The following RAB12 variants were observed in gnomAD, a reference collection of about 807,000 sequenced individuals.
RAB12 encodes the protein ras-related protein Rab-12.
Under a neutral mutation model 28.4 loss-of-function variants are expected in RAB12, and 11 were observed. The observed-to-expected ratio is 0.39, with a 90% confidence interval of 0.24 to 0.64. The LOEUF is 0.64. Among genes scored for constraint, RAB12 ranks in the 30% least tolerant of loss-of-function variants. The pLI is 0.50. For synonymous variants in RAB12, 138 were observed against 145.3 expected (o/e 0.95, Z 0.36); for missense variants, 276 against 351.1 (o/e 0.79, Z 1.71).
rs373829340 is a variant in RAB12 at position 8,616,379 on chromosome 18, TAAA to T, written c.514+6445_514+6447del. On this transcript the variant is annotated intron_variant, in intron 1 of 5. Coordinates refer to ENST00000649141, the MANE Select transcript of RAB12 (RefSeq NM_001025300.3). ...TGTGCCCTTAATTGAGTGTGATTGT[TAAA>T]AAAAAAAAAAAAAAAAAACTTGTGA... is the stretch of plus-strand genomic sequence containing the variant. 1.6e-4 allele frequency among the ~76,000 whole-genome samples: 19 copies of T among 121,442 alleles called. No homozygotes were observed. In the East Asian group the frequency reaches 2.1e-3, roughly 13 times the overall value. The allele number at this position is 121,442 out of a possible 152,430, so 79.7% of individuals were successfully genotyped here. A position where few individuals can be genotyped will look rare whatever the true frequency, so the allele number is the denominator to read the frequency against.
chr18:8,614,579 A>T (rs1211184408), intron 1 of RAB12, among the ~76,000 whole-genome samples: 2 of 151,010 alleles, frequency 1.3e-5, no homozygotes, highest in African/African-American at 4.9e-5. Context: ...AAAGTTTTTT[A>T]TTTTATTTTT....
chr18:8,626,899 A>G (rs1423778391), intron 2 of RAB12, among the ~76,000 whole-genome samples: 3 of 152,212 alleles, frequency 2.0e-5, no homozygotes, highest in Non-Finnish European at 4.4e-5. Context: ...GTTGATTGCA[A>G]GTTTTCTACA....
chr18:8,636,689 T>G (rs1406858529), intron 5 of RAB12, among the ~76,000 whole-genome samples: 1 of 152,178 alleles, frequency 6.6e-6, no homozygotes, highest in Non-Finnish European at 1.5e-5. Flanking sequence ...GAGAATTCAG[T>G]TGGAGACCTA....
intron 3 of RAB12, 83 bp downstream of exon 3, chr18:8,633,410 G>C: frequency 6.7e-7 from 1 of 1,483,238 alleles, no homozygotes; most frequent in Non-Finnish European, 9.3e-7. Context: ...GGAAACACAT[G>C]TATTGAGCAT....
rs912941423 is a variant in RAB12, at chr18:8,636,367, A to G, written c.909+10A>G. ...TGACATTCTGAAAAAGGTAAAAAAA[A>G]GAATCTACATTATAAAAGTATATCA... On this transcript the variant is annotated intron_variant, in intron 5 of 5. Coordinates refer to ENST00000649141, the MANE Select transcript of RAB12 (RefSeq NM_001025300.3). The G allele has an allele frequency of 1.4e-6, 2 of 1,466,060 alleles. No individual in the cohort carries two copies. Among genetic ancestry groups the G allele is most frequent in the African/African-American group, 1.4e-5 (1 of 71,178 alleles). The allele number at this position is 1,466,060 out of a possible 1,614,324, so 90.8% of individuals were successfully genotyped here.
intron 1 of RAB12, among the ~76,000 whole-genome samples, chr18:8,620,165 C>CTTAAAA (rs2096009078): frequency 2.7e-5 from 2 of 75,432 alleles, no homozygotes; most frequent in African/African-American, 1.1e-4. Flanking sequence ...TTTTTTGCTT[C>CTTAAAA]AAAAAAAAAA....
At chr18:8,634,788 G>A (rs998364123) in intron 3 of RAB12, among the ~76,000 whole-genome samples, 1 of 152,306 alleles carries the variant, frequency 6.6e-6, no homozygotes, top group Admixed American at 6.5e-5. Flanking sequence ...CTGGCCCACG[G>A]CCACACCATT....
Position 8,632,307 on chromosome 18 carries a change from T to C in RAB12, c.576-882T>C, listed in dbSNP as rs376227716. 1.4e-3 allele frequency among the ~76,000 whole-genome samples: 215 copies of C among 149,652 alleles called. 1 individual carries two copies. The highest frequency in any genetic ancestry group is 5.1e-3 in the African/African-American group (209 of 40,634). On this transcript the variant is annotated intron_variant, in intron 2 of 5. Coordinates refer to ENST00000649141, the MANE Select transcript of RAB12 (RefSeq NM_001025300.3). ...CAAAAAAAAAAAAAAAAAAAAGTAA[T>C]TGGGACTTATTGATGTTTTTGTTTG...
At chr18:8,611,321 T>C (rs1444835024) in intron 1 of RAB12, among the ~76,000 whole-genome samples, 1 of 152,174 alleles carries the variant, frequency 6.6e-6, no homozygotes, top group Non-Finnish European at 1.5e-5. Context: ...CCGTTTAGAA[T>C]TGTCAATATT....
intron 2 of RAB12, among the ~76,000 whole-genome samples, chr18:8,628,328 G>C (rs2096013998): frequency 6.6e-6 from 1 of 152,110 alleles, no homozygotes; most frequent in African/African-American, 2.4e-5. Context: ...ATTATTCTTT[G>C]GCCGTACCTG....
chr18:8,622,764 G>A (rs1348855474), intron 1 of RAB12, among the ~76,000 whole-genome samples: 5 of 152,118 alleles, frequency 3.3e-5, no homozygotes, highest in Admixed American at 3.3e-4. Context: ...CGGGAGACTG[G>A]GGTCTATTCC....
intron 2 of RAB12, among the ~76,000 whole-genome samples, chr18:8,632,597 G>A (rs1036576954): frequency 6.6e-6 from 1 of 152,154 alleles, no homozygotes; most frequent in Non-Finnish European, 1.5e-5. Context: ...GTGGTGGTTA[G>A]TGAGCTCTGA....
intron 1 of RAB12, among the ~76,000 whole-genome samples, chr18:8,615,885 C>A (rs1480655968): frequency 6.6e-6 from 1 of 152,128 alleles, no homozygotes; most frequent in Non-Finnish European, 1.5e-5. Flanking sequence ...TGACAGAGAT[C>A]CAGATTCTTA....
chr18:8,624,814 T>G, intron 1 of RAB12, 124 bp from the exon 2 acceptor site: 1 of 657,178 alleles, frequency 1.5e-6, no homozygotes, highest in Non-Finnish European at 2.7e-6. Flanking sequence ...AATTAAGTGA[T>G]GTCAGGTTTC....
chr18:8,636,259 C>A lies in RAB12; in HGVS notation c.811C>A (p.Gln271Lys). Residue 271 changes from glutamine to lysine, a missense_variant, in exon 5 of 6, where the codon CAG (glutamine) becomes AAG (lysine). Gln to Lys is a moderately conservative substitution (Grantham distance 53). Coordinates refer to ENST00000649141, the MANE Select transcript of RAB12 (RefSeq NM_001025300.3). Reference sequence around the variant, plus strand: ...GGTGTGTGTTTCTTCTCAGTTTGCACAGCAGATCACTGGGATGCGGTTCTG... The same window carrying A: ...GGTGTGTGTTTCTTCTCAGTTTGCAAAGCAGATCACTGGGATGCGGTTCTG... ...ITRQQGEKFAQQITGMRFCEA... is the reference protein window; with the variant it reads ...ITRQQGEKFAKQITGMRFCEA... 6.2e-7 allele frequency: 1 copy of A among 1,611,046 alleles called. No homozygotes were observed. The highest frequency in any genetic ancestry group is 8.5e-7 in the Non-Finnish European group (1 of 1,177,234).
intron 2 of RAB12, among the ~76,000 whole-genome samples, chr18:8,625,262 A>C (rs76181173): frequency 6.6e-6 from 1 of 152,192 alleles, no homozygotes; most frequent in African/African-American, 2.4e-5. Context: ...TTTTGCCTCT[A>C]TTTTCAAATT....
intron 2 of RAB12, among the ~76,000 whole-genome samples, chr18:8,630,989 A>G (rs745770785): frequency 2.0e-5 from 3 of 152,256 alleles, no homozygotes; most frequent in Non-Finnish European, 4.4e-5. Context: ...CGCAGGCTCA[A>G]GCAATTCTCC....
At chr18:8,610,987 A>G (rs2096003460) in intron 1 of RAB12, among the ~76,000 whole-genome samples, 1 of 152,232 alleles carries the variant, frequency 6.6e-6, no homozygotes, top group African/African-American at 2.4e-5. Context: ...TGAAATTGTC[A>G]TGTAACAAAA....
At chr18:8,638,059 C>G (rs749675040) in intron 5 of RAB12, 90 bp from the exon 6 acceptor site, 174 of 750,058 alleles carry the variant, frequency 2.3e-4, no homozygotes, top group Non-Finnish European at 3.6e-4. Flanking sequence ...TATAAGTGGA[C>G]CTGTGCAGTT....
Sources: allele counts gnomAD v4.1 joint callset (sites outside exome capture counted in the v4.1 genomes callset), GRCh38; gene constraint gnomAD v4.1.1; transcripts MANE v1.5; gene names NCBI Gene and HGNC (gene_info 2026-07-23, HGNC 2026-07-21).